Variants in FBXL17 observed in about 807,000 individuals in gnomAD.
FBXL17 encodes the protein F-box/LRR-repeat protein 17.
A neutral mutation model predicts 66.2 loss-of-function variants in FBXL17; 22 were observed. That is an observed-to-expected ratio of 0.33 (90% CI 0.24 to 0.47). The LOEUF (loss-of-function observed/expected upper bound fraction) is 0.47. Among genes scored for constraint, FBXL17 ranks in the 20% least tolerant of loss-of-function variants. FBXL17 has a pLI of 1.00. For synonymous variants in FBXL17, 474 were observed against 400.5 expected, an observed-to-expected ratio of 1.18 and a Z score of -2.19; for missense variants, 878 against 948.2, an observed-to-expected ratio of 0.93 and a Z score of 0.97.
intron 6 of FBXL17, among the ~76,000 whole-genome samples, chr5:108,113,995 A>C (rs1228216612): frequency 6.6e-6 from 1 of 152,198 alleles, no homozygotes; most frequent in Admixed American, 6.5e-5. Flanking sequence ...ACAAATGTAT[A>C]ATTATTAATT....
chr5:107,913,731 C>A (rs187454839), intron 7 of FBXL17, among the ~76,000 whole-genome samples: 1 of 152,090 alleles, frequency 6.6e-6, no homozygotes, highest in East Asian at 1.9e-4. Context: ...GGCTTAGCTT[C>A]GTCAACAATA....
At chr5:108,015,790 G>C (rs1352562772) in intron 7 of FBXL17, among the ~76,000 whole-genome samples, 1 of 152,174 alleles carries the variant, frequency 6.6e-6, no homozygotes, top group Non-Finnish European at 1.5e-5. Flanking sequence ...GAGAGGTAGG[G>C]AAGGTATAAC....
intron 6 of FBXL17, among the ~76,000 whole-genome samples, chr5:108,159,001 C>A (rs959127556): frequency 3.3e-5 from 5 of 151,926 alleles, no homozygotes; most frequent in African/African-American, 7.3e-5. Context: ...CTCACTGGAA[C>A]AAGGAAAAGG....
intron 5 of FBXL17, among the ~76,000 whole-genome samples, chr5:108,203,549 C>T (rs559671314): frequency 6.6e-5 from 10 of 152,214 alleles, no homozygotes; most frequent in African/African-American, 2.4e-4. Context: ...TTTCATAATA[C>T]AGTACTCACT....
intron 7 of FBXL17, among the ~76,000 whole-genome samples, chr5:107,958,658 T>C (rs1023489391): frequency 3.3e-5 from 5 of 152,190 alleles, no homozygotes; most frequent in African/African-American, 9.6e-5. Context: ...CAAGTGAACA[T>C]GTATATAGGT....
chr5:107,914,584 T>C (rs1052616959), intron 7 of FBXL17, among the ~76,000 whole-genome samples: 1 of 152,206 alleles, frequency 6.6e-6, no homozygotes, highest in Non-Finnish European at 1.5e-5. Context: ...AGCACACTTG[T>C]GTATTCCATC....
intron 7 of FBXL17, among the ~76,000 whole-genome samples, chr5:107,944,369 A>C (rs140930197): frequency 6.6e-6 from 1 of 152,154 alleles, no homozygotes; most frequent in Non-Finnish European, 1.5e-5. Context: ...AAATTCTTCT[A>C]TGTGTCTGCT....
intron 4 of FBXL17, among the ~76,000 whole-genome samples, chr5:108,275,243 C>A (rs1757437883): frequency 6.6e-6 from 1 of 152,184 alleles, no homozygotes; most frequent in Non-Finnish European, 1.5e-5. Context: ...GACTAAGGCA[C>A]TGCCTACGAC....
intron 6 of FBXL17, among the ~76,000 whole-genome samples, chr5:108,107,174 C>T (rs575315991): frequency 3.3e-5 from 5 of 151,998 alleles, no homozygotes; most frequent in South Asian, 2.1e-4. Flanking sequence ...TGGGTTCAAG[C>T]GATTCTCCTG....
At chr5:108,378,195 A>G (rs868268662) in intron 1 of FBXL17, among the ~76,000 whole-genome samples, 1 of 151,682 alleles carries the variant, frequency 6.6e-6, no homozygotes, top group South Asian at 2.1e-4. Context: ...ATGATGCAAC[A>G]TATAGTTTAG....
chr5:108,147,013 G>A (rs1291073317), intron 6 of FBXL17, among the ~76,000 whole-genome samples: 1 of 152,194 alleles, frequency 6.6e-6, no homozygotes, highest in Non-Finnish European at 1.5e-5. Context: ...CATAGAAGGT[G>A]CCTTGCTGTT....
intron 4 of FBXL17, among the ~76,000 whole-genome samples, chr5:108,311,003 A>G (rs1213900260): frequency 6.6e-6 from 1 of 152,118 alleles, no homozygotes; most frequent in African/African-American, 2.4e-5. Context: ...CTTGCTTCTA[A>G]TAGACAACAA....
intron 7 of FBXL17, among the ~76,000 whole-genome samples, chr5:107,903,853 A>G (rs1049280971): frequency 5.9e-5 from 9 of 152,046 alleles, no homozygotes; most frequent in East Asian, 5.8e-4. Flanking sequence ...TTCAGAATCA[A>G]TTTTCCTCTG....
chr5:108,247,289 T>C (rs2150108967), intron 4 of FBXL17, among the ~76,000 whole-genome samples: 1 of 151,610 alleles, frequency 6.6e-6, no homozygotes, highest in Admixed American at 6.6e-5. Context: ...TTTCCAAAGA[T>C]AATTCCAGAG....
At chr5:108,160,827 C>T (rs1752182507) in intron 6 of FBXL17, among the ~76,000 whole-genome samples, 1 of 152,100 alleles carries the variant, frequency 6.6e-6, no homozygotes, top group African/African-American at 2.4e-5. Context: ...TTTGGGCCCA[C>T]ATAATTCTGT....
intron 5 of FBXL17, among the ~76,000 whole-genome samples, chr5:108,208,994 T>C (rs930449548): frequency 5.9e-5 from 9 of 152,204 alleles, no homozygotes; most frequent in African/African-American, 1.9e-4. Flanking sequence ...TCTTGAGCAG[T>C]GGTTTGTAGT....
chr5:108,265,053 T>A (rs1011603119), intron 4 of FBXL17, among the ~76,000 whole-genome samples: 1 of 152,048 alleles, frequency 6.6e-6, no homozygotes, highest in African/African-American at 2.4e-5. Context: ...AATACAAAAA[T>A]CTTTAAAAGA....
At chr5:108,378,501 G>GCAA (rs33971038) in intron 1 of FBXL17, among the ~76,000 whole-genome samples, 81,503 of 151,548 alleles carry the variant, frequency 0.54, 22,488 homozygotes, top group African/African-American at 0.67. Context: ...GCCTCTCTAC[G>GCAA]CAACCCTTCT....
intron 6 of FBXL17, among the ~76,000 whole-genome samples, chr5:108,107,470 A>G (rs1749845691): frequency 6.6e-6 from 1 of 152,308 alleles, no homozygotes; most frequent in African/African-American, 2.4e-5. Context: ...ATTAATTTAT[A>G]ATTCACTTTC....
Sources: allele counts gnomAD v4.1 joint callset (sites outside exome capture counted in the v4.1 genomes callset), GRCh38; gene constraint gnomAD v4.1.1; transcripts MANE v1.5; gene names NCBI Gene and HGNC (gene_info 2026-07-23, HGNC 2026-07-21).